SPECC1L: variants seen among roughly 807,000 people sequenced by gnomAD.
The protein encoded by SPECC1L is cytospin-A.
In SPECC1L, 40 loss-of-function variants were observed where a neutral mutation model predicts 116.8. That is an observed-to-expected ratio of 0.34 (90% CI 0.27 to 0.45). The LOEUF (loss-of-function observed/expected upper bound fraction) is 0.45. Among genes scored for constraint, SPECC1L ranks in the 20% least tolerant of loss-of-function variants. The pLI is 1.00. For missense variants in SPECC1L, 1,110 were observed against 1,373.6 expected (o/e 0.81, Z 3.03); for synonymous variants, 504 against 500.6 (o/e 1.01, Z -0.09).
chr22:24,347,282 A>C (rs1354372273), intron 11 of SPECC1L, 106 bp downstream of exon 11: 3 of 818,102 alleles, frequency 3.7e-6, no homozygotes, highest in Non-Finnish European at 6.3e-6. Context: ...TATTTCAATC[A>C]ATCTGGTATA....
At chr22:24,388,080 T>TTA (rs2042193762) in intron 14 of SPECC1L, among the ~76,000 whole-genome samples, 1 of 151,690 alleles carries the variant, frequency 6.6e-6, no homozygotes, top group Non-Finnish European at 1.5e-5. Flanking sequence ...AAATTCTTTT[T>TTA]TTATTATTAT....
intron 14 of SPECC1L, among the ~76,000 whole-genome samples, chr22:24,383,968 G>A (rs2042114076): frequency 6.6e-6 from 1 of 151,352 alleles, no homozygotes; most frequent in Non-Finnish European, 1.5e-5. Flanking sequence ...AAAATTTAAG[G>A]ACTAAAAAAT....
chr22:24,373,438 T>C (rs1218350558), intron 14 of SPECC1L, among the ~76,000 whole-genome samples: 1 of 152,044 alleles, frequency 6.6e-6, no homozygotes, highest in Non-Finnish European at 1.5e-5. Context: ...TATAGACCAA[T>C]GGAACAGAAC....
chr22:24,354,334 C>T (rs767095976), intron 11 of SPECC1L, among the ~76,000 whole-genome samples: 5 of 152,142 alleles, frequency 3.3e-5, no homozygotes, highest in Admixed American at 6.5e-5. Flanking sequence ...CAGTTATTAC[C>T]GTGGTGTTTC....
intron 10 of SPECC1L, among the ~76,000 whole-genome samples, chr22:24,341,844 C>T (rs533414113): frequency 1.3e-5 from 2 of 152,232 alleles, no homozygotes; most frequent in South Asian, 2.1e-4. Context: ...TGAGCCAGCC[C>T]TGCAGAGAGG....
chr22:24,361,384 G>T (rs996581021), intron 11 of SPECC1L, among the ~76,000 whole-genome samples: 7 of 151,896 alleles, frequency 4.6e-5, no homozygotes. Flanking sequence ...GCAAGGTCCT[G>T]TCTTAGAAAT....
chr22:24,385,056 C>A (rs2042135127), intron 14 of SPECC1L, among the ~76,000 whole-genome samples: 1 of 148,112 alleles, frequency 6.8e-6, no homozygotes, highest in Non-Finnish European at 1.5e-5. Context: ...AAGCGAAACT[C>A]CGTCTCAAAA....
rs769067163 is a variant in SPECC1L, at chr22:24,363,289, C to T, written c.2772C>T (p.Ser924=). 1 of 1,614,138 alleles carries T rather than the reference C, an allele frequency of 6.2e-7. No individual in the cohort carries two copies. The highest frequency in any genetic ancestry group is 1.1e-5 in the South Asian group (1 of 91,080). ...ATCTGTTAAGAACATCTTCAGCCAG[C>T]CGGCCTGCTTCCCTGCCAAGAGTGC... ...QEHLLRTSSA[S]RPASLPRVPA... is the part of the protein sequence containing the mutation. Residue 924 remains serine, a synonymous_variant, in exon 12 of 17, where the codon AGC becomes AGT. Transcript: ENST00000314328.
intron 11 of SPECC1L, among the ~76,000 whole-genome samples, chr22:24,362,111 AC>A (rs2041657295): frequency 6.6e-6 from 1 of 152,182 alleles, no homozygotes; most frequent in South Asian, 2.1e-4. Flanking sequence ...CCAGCCCGTG[AC>A]CAGAAAGAAC....
chr22:24,301,766 A>T (rs1438166636), intron 2 of SPECC1L, among the ~76,000 whole-genome samples: 1 of 152,096 alleles, frequency 6.6e-6, no homozygotes, highest in East Asian at 1.9e-4. Context: ...TATATATCAG[A>T]GCCAGGCACG....
chr22:24,347,063 T>A, intron 10 of SPECC1L, 23 bp from the exon 11 acceptor site: 1 of 1,577,974 alleles, frequency 6.3e-7, no homozygotes, highest in Non-Finnish European at 8.7e-7. Context: ...TTAACTTTGA[T>A]GTTGTTTATC....
At chr22:24,389,243 A>G (rs1162057626) in intron 14 of SPECC1L, among the ~76,000 whole-genome samples, 1 of 151,408 alleles carries the variant, frequency 6.6e-6, no homozygotes, top group African/African-American at 2.4e-5. Flanking sequence ...CAGCCTCCCA[A>G]GTAGCTGGGA....
intron 11 of SPECC1L, among the ~76,000 whole-genome samples, chr22:24,362,154 T>C (rs1216863011): frequency 6.6e-6 from 1 of 152,206 alleles, no homozygotes; most frequent in African/African-American, 2.4e-5. Flanking sequence ...TGCCTCTCTG[T>C]GTCCTGGTCT....
At chr22:24,311,688 C>T (rs1451448909) in intron 3 of SPECC1L, among the ~76,000 whole-genome samples, 1 of 151,426 alleles carries the variant, frequency 6.6e-6, no homozygotes, top group Non-Finnish European at 1.5e-5. Flanking sequence ...GCCTGTAGTC[C>T]TAGCTACTTA....
At chr22:24,295,414 T>A (rs2049240822) in intron 2 of SPECC1L, among the ~76,000 whole-genome samples, 1 of 150,094 alleles carries the variant, frequency 6.7e-6, no homozygotes, top group Non-Finnish European at 1.5e-5. Flanking sequence ...CATGGGTATG[T>A]TGCACGATGC....
At chr22:24,301,949 G>C (rs1007417374) in intron 2 of SPECC1L, among the ~76,000 whole-genome samples, 1 of 152,032 alleles carries the variant, frequency 6.6e-6, no homozygotes, top group Non-Finnish European at 1.5e-5. Flanking sequence ...GGAAGGCTGA[G>C]GCAGGAGAAT....
rs757518333 is a variant in SPECC1L, at chr22:24,302,215, C to T, written c.-17C>T. The stretch of plus-strand genomic sequence containing the variant: ...CACAGATTTGCTTGTAAATGCATCA[C>T]GAAGAGGCAGCCCAGAATGAAGAAA... On this transcript the variant is annotated 5_prime_UTR_variant, in exon 3 of 17. In the 5' UTR this introduces an upstream ATG that the reference lacks. Transcript: ENST00000314328. 8.7e-6 allele frequency: 14 copies of T among 1,613,698 alleles called. No individual in the cohort carries two copies. The highest frequency in any genetic ancestry group is 3.3e-5 in the Admixed American group (2 of 59,980).
In SPECC1L at chr22:24,321,602, G is replaced by A. The variant is rs765587518; in HGVS notation, c.622G>A (p.Asp208Asn). The A allele has an allele frequency of 6.2e-7, 1 of 1,614,216 alleles. No individual in the cohort carries two copies. ...EILHLRNELR[D>N]MRAQLGINED... ...TTTACATTTGAGAAATGAACTGCGAGACATGCGTGCCCAGCTGGGCATTAA... is the reference window on the plus strand; with the variant it reads ...TTTACATTTGAGAAATGAACTGCGAAACATGCGTGCCCAGCTGGGCATTAA... The change falls in exon 5 of 17, where the codon GAC becomes AAC. Residue 208 changes from aspartate (D) to asparagine (N), a missense_variant. By Grantham distance (23) the Asp-to-Asn change is conservative. Around this residue, in one of 4 missense-constraint regions of SPECC1L, gnomAD observed 437 missense variants for 482.6 expected, o/e 0.91. Transcript: ENST00000314328.
At chr22:24,386,083 A>T (rs999105055) in intron 14 of SPECC1L, among the ~76,000 whole-genome samples, 1 of 151,740 alleles carries the variant, frequency 6.6e-6, no homozygotes, top group Non-Finnish European at 1.5e-5. Flanking sequence ...GAACAAAAGC[A>T]TTTGATAAAA....
Sources: gnomAD v4.1 joint callset for allele counts (sites outside exome capture counted in the v4.1 genomes callset) on GRCh38, gnomAD v4.1.1 for gene constraint, gnomAD v4.1.1 regional missense constraint, MANE v1.5 for transcripts, NCBI Gene and HGNC (gene_info 2026-07-23, HGNC 2026-07-21) for gene names.